The following LRRK1 variants were observed in gnomAD, a reference collection of about 807,000 sequenced individuals.
LRRK1 encodes leucine rich repeat kinase 1, also known as leucine-rich repeat serine/threonine-protein kinase 1.
In LRRK1, 113 loss-of-function variants were observed where a neutral mutation model predicts 209.1. That is an observed-to-expected ratio of 0.54 (90% confidence interval 0.46 to 0.63). The LOEUF is 0.63. Ranked by LOEUF, LRRK1 falls within the 30% of genes least tolerant of loss-of-function variation. LRRK1 has a pLI of 0.00. For missense variants in LRRK1, 2,284 were observed against 2,632.2 expected (o/e 0.87, Z 2.89); for synonymous variants, 1,144 against 1,099.7 (o/e 1.04, Z -0.80).
At chr15:101,007,423 T>A (rs1313026754) in intron 6 of LRRK1, among the ~76,000 whole-genome samples, 1 of 152,216 alleles carries the variant, frequency 6.6e-6, no homozygotes, top group Non-Finnish European at 1.5e-5. Flanking sequence ...CTCCCATATA[T>A]TTCGCCAGGT....
In LRRK1 at chr15:101,026,031, C is replaced by T. The variant is rs1186256525; in HGVS notation, c.2299C>T (p.Arg767Cys). ...CCTGGATTTAATTGAAGCCAAGTTC[C>T]GTGTGGAAAGGATTGCAACGCTGCG... ...THLDLIEAKFRVERIATLRAY... is the reference protein window; with the variant it reads ...THLDLIEAKFCVERIATLRAY... The change falls in exon 17 of 34, where the codon CGT becomes TGT. Residue 767 changes from arginine to cysteine, a missense_variant. Around this residue, in one of 6 missense-constraint regions of LRRK1, gnomAD observed 780 missense variants for 985.2 expected, o/e 0.79. Coordinates refer to ENST00000388948, the MANE Select transcript of LRRK1 (RefSeq NM_024652.6). The T allele has an allele frequency of 5.0e-6, 8 of 1,614,260 alleles. No homozygotes were observed. The highest frequency in any genetic ancestry group is 5.9e-6 in the Non-Finnish European group (7 of 1,180,046).
intron 27 of LRRK1, among the ~76,000 whole-genome samples, chr15:101,056,218 GAGGAGACAACATGTTGTGATCC>G (rs2035784710): frequency 6.6e-6 from 1 of 152,182 alleles, no homozygotes; most frequent in African/African-American, 2.4e-5. Context: ...ATGAAAATTA[GAGGAGACAACATGTTGTGATCC>G]AGGAGACGCT....
chr15:101,042,519 C>G (rs1266511041), intron 20 of LRRK1, among the ~76,000 whole-genome samples: 1 of 152,108 alleles, frequency 6.6e-6, no homozygotes, highest in Non-Finnish European at 1.5e-5. Context: ...AGCTCTGCCA[C>G]CATCCTCCTG....
chr15:101,053,485 G>A (rs1169687038), intron 26 of LRRK1, 65 bp downstream of exon 26: 4 of 1,400,436 alleles, frequency 2.9e-6, no homozygotes, highest in African/African-American at 1.4e-5. Flanking sequence ...CTCCTGCCTG[G>A]CACGGGGGGT....
intron 2 of LRRK1, among the ~76,000 whole-genome samples, chr15:100,952,492 T>C (rs1038602051): frequency 6.6e-6 from 1 of 152,254 alleles, no homozygotes; most frequent in African/African-American, 2.4e-5. Context: ...ATTATATCTC[T>C]AATTCATTTG....
intron 29 of LRRK1, among the ~76,000 whole-genome samples, chr15:101,058,391 G>C (rs1392623407): frequency 1.3e-5 from 2 of 152,058 alleles, no homozygotes; most frequent in Non-Finnish European, 2.9e-5. Flanking sequence ...GTCTGGGGAC[G>C]TGAGGGCACT....
chr15:101,062,651 T>C lies in LRRK1; in HGVS notation c.4875T>C (p.Ala1625=). Reference sequence around the variant, plus strand: ...CCCAACAGGCCTTGGATACTCCAGCTGTCGTCACCTGCTTCTTGGCCGTGC... The same window carrying C: ...CCCAACAGGCCTTGGATACTCCAGCCGTCGTCACCTGCTTCTTGGCCGTGC... ...NTPQQALDTP[A]VVTCFLAVPV... Residue 1625 remains alanine, a synonymous_variant, in exon 31 of 34, where the codon GCT becomes GCC. Coordinates refer to ENST00000388948, the MANE Select transcript of LRRK1 (RefSeq NM_024652.6). The C allele has an allele frequency of 6.2e-7, 1 of 1,614,194 alleles. No homozygotes were observed. Among genetic ancestry groups the C allele is most frequent in the South Asian group, 1.1e-5 (1 of 91,086 alleles).
chr15:100,975,383 G>A (rs1368324774), intron 3 of LRRK1, among the ~76,000 whole-genome samples: 1 of 152,256 alleles, frequency 6.6e-6, no homozygotes, highest in Non-Finnish European at 1.5e-5. Flanking sequence ...ACTTCATCCT[G>A]AGGGTGGAAA....
Position 101,055,830 on chromosome 15 carries a change from C to T in LRRK1, c.4332+607C>T, listed in dbSNP as rs188382942. Reference sequence around the variant, plus strand: ...CACACAACTTGAAGTCATCTTACCACGCATGTATTACATCTAGTGCCAGCC... The same window carrying T: ...CACACAACTTGAAGTCATCTTACCATGCATGTATTACATCTAGTGCCAGCC... On this transcript the variant is annotated intron_variant, in intron 27 of 33. Transcript: ENST00000388948. Among the ~76,000 whole-genome samples, 66 of 152,310 alleles carry T rather than the reference C, an allele frequency of 4.3e-4. No individual in the cohort carries two copies. In the East Asian group the frequency reaches 0.011, roughly 26 times the overall value.
intron 16 of LRRK1, among the ~76,000 whole-genome samples, chr15:101,025,323 C>T (rs979795892): frequency 6.6e-6 from 1 of 152,198 alleles, no homozygotes; most frequent in Non-Finnish European, 1.5e-5. Context: ...TCAGCACCCT[C>T]CGTGGAGGAG....
At chr15:101,021,685 A>G in intron 13 of LRRK1, 160 bp from the exon 14 acceptor site, 1 of 588,136 alleles carries the variant, frequency 1.7e-6, no homozygotes, top group East Asian at 2.9e-5. Context: ...ATCCTCCAGG[A>G]GAAAGCCTTT....
rs960316966 is a variant in LRRK1 at position 101,024,354 on chromosome 15, G to C, written c.2068-449G>C. ...GCTCATCTTTTGTTTGATTCCCACA[G>C]GGTGGGAGGGAGTTTCCCAGCATCC... On this transcript the variant is annotated intron_variant, in intron 15 of 33. Transcript: ENST00000388948. This position sits in a 1 kb window ranked among gnomAD's most constrained non-coding sequence, Gnocchi z 4.6. Among the ~76,000 whole-genome samples the C allele has an allele frequency of 6.6e-6, 1 of 152,190 alleles. No individual in the cohort carries two copies. Among genetic ancestry groups the C allele is most frequent in the African/African-American group, 2.4e-5 (1 of 41,448 alleles).
intron 2 of LRRK1, among the ~76,000 whole-genome samples, chr15:100,930,987 C>A (rs2141597781): frequency 6.6e-6 from 1 of 152,320 alleles, no homozygotes; most frequent in Non-Finnish European, 1.5e-5. Flanking sequence ...AATTCTGAGT[C>A]CCTTCACTAT....
intron 20 of LRRK1, among the ~76,000 whole-genome samples, chr15:101,045,399 T>A (rs1368236869): frequency 2.0e-5 from 3 of 152,230 alleles, no homozygotes; most frequent in Non-Finnish European, 4.4e-5. Context: ...CCCTTGCCGA[T>A]GCAATGATGC....
At chr15:100,998,954 C>T (rs1220399189) in intron 6 of LRRK1, among the ~76,000 whole-genome samples, 2 of 152,066 alleles carry the variant, frequency 1.3e-5, no homozygotes, top group Admixed American at 6.5e-5. Context: ...TATGCAGTAA[C>T]CTCCTTTCTG....
intron 6 of LRRK1, among the ~76,000 whole-genome samples, chr15:100,993,315 A>T (rs113091124): frequency 0.013 from 2,022 of 152,236 alleles, 24 homozygotes; most frequent in Non-Finnish European, 0.019. Context: ...AGCTTTCTTT[A>T]TCAGAGCCTG....
intron 2 of LRRK1, among the ~76,000 whole-genome samples, chr15:100,937,595 C>A (rs557800931): frequency 1.3e-5 from 2 of 151,800 alleles, no homozygotes; most frequent in Admixed American, 6.6e-5. Context: ...AGTGCAGTGG[C>A]GCGATCTCAG....
At chr15:101,014,845 T>C (rs1436927523) in intron 11 of LRRK1, among the ~76,000 whole-genome samples, 1 of 152,250 alleles carries the variant, frequency 6.6e-6, no homozygotes, top group East Asian at 1.9e-4. Flanking sequence ...AGGTTAGGGC[T>C]TCGACACAGG....
In LRRK1 at chr15:101,051,682, A is replaced by C. The variant is rs139517971; in HGVS notation, c.3440-29A>C. 9.3e-6 allele frequency: 15 copies of C among 1,604,472 alleles called. No homozygotes were observed. In the African/African-American group the frequency reaches 1.2e-4, roughly 13 times the overall value. ...GGCCCTCCTGCACCACCTTCTTGTG[A>C]AGCTGTCTCCTGCTCTGTCCTTATT... On this transcript the variant is annotated intron_variant, in intron 23 of 33. Transcript: ENST00000388948.
Sources: allele counts gnomAD v4.1 joint callset (sites outside exome capture counted in the v4.1 genomes callset), GRCh38; gene constraint gnomAD v4.1.1; regional missense constraint gnomAD v4.1.1; non-coding constraint Gnocchi (gnomAD v3.1); transcripts MANE v1.5; gene names NCBI Gene and HGNC (gene_info 2026-07-23, HGNC 2026-07-21).